Variants in ENTPD1 observed in about 807,000 individuals in gnomAD.
ENTPD1 encodes ATP diphosphohydrolase.
A neutral mutation model predicts 57.0 loss-of-function variants in ENTPD1; 33 were observed. The ratio of observed to expected loss-of-function variants is 0.58; its 90% CI spans 0.44 to 0.77. ENTPD1 has a LOEUF of 0.77. ENTPD1 is among the 30% of genes least tolerant of loss of function. The probability of loss-of-function intolerance (pLI) is 0.00; values close to 1 mark genes in which losing one functional copy is unlikely to be tolerated. For synonymous variants in ENTPD1, 202 were observed against 218.8 expected (o/e 0.92, Z 0.68); for missense variants, 501 against 603.4 (o/e 0.83, Z 1.78).
chr10:95,710,418 T>A (rs561021404), upstream of ENTPD1, among the ~76,000 whole-genome samples: 3 of 152,232 alleles, frequency 2.0e-5, no homozygotes, highest in South Asian at 2.1e-4. Context: ...AAATTTTTTT[T>A]AATGATACTC....
intron 1 of ENTPD1, among the ~76,000 whole-genome samples, chr10:95,777,061 C>T (rs1004337386): frequency 1.3e-5 from 2 of 152,150 alleles, no homozygotes; most frequent in African/African-American, 2.4e-5. Flanking sequence ...AGCTTCCTTG[C>T]GATGGGTTCG....
chr10:95,873,723 G>C lies in ENTPD1; in HGVS notation c.*7340G>C, dbSNP rs962494417. ...GATTGTATTAGTTCGTTTCCATGCT[G>C]CTGATAAAGACATATCTGAGACTGG... On this transcript the variant is annotated 3_prime_UTR_variant, in exon 10 of 10. Coordinates refer to ENST00000371205, the MANE Select transcript of ENTPD1 (RefSeq NM_001776.6). The C allele has an allele frequency of 7.2e-6, 7 of 978,480 alleles. No homozygotes were observed. In the African/African-American group the frequency reaches 1.2e-4, roughly 17 times the overall value. 60.6% of individuals were successfully genotyped at this position (978,480 alleles called of 1,614,324 possible). A position where few individuals can be genotyped will look rare whatever the true frequency, so the allele number is the denominator to read the frequency against.
rs1003421950 is a variant in ENTPD1 at position 95,842,249 on chromosome 10, A to AT, written c.263-88dup. On this transcript the variant is annotated intron_variant, in intron 3 of 9. Coordinates refer to ENST00000371205, the MANE Select transcript of ENTPD1 (RefSeq NM_001776.6). ...GTACATCAGGAAATTGTTTTCTTGTATTTTTTTCAAAACACCATATTTTGA... is the reference window on the plus strand; with the variant it reads ...GTACATCAGGAAATTGTTTTCTTGTATTTTTTTTCAAAACACCATATTTTGA... 3.2e-5 allele frequency: 38 copies of AT among 1,180,558 alleles called. No individual in the cohort carries two copies. The African/African-American group carries it at 5.1e-4, about 16-fold the overall frequency. 73.1% of individuals were successfully genotyped at this position (1,180,558 alleles called of 1,614,324 possible).
chr10:95,753,106 C>A (rs959954283), upstream of ENTPD1: 1 of 152,076 alleles, frequency 6.6e-6, no homozygotes, highest in East Asian at 1.9e-4. Flanking sequence ...AGACAAATAT[C>A]TTTACCCCTT....
At chr10:95,824,896 A>G (rs2140579480) in intron 2 of ENTPD1, among the ~76,000 whole-genome samples, 1 of 152,350 alleles carries the variant, frequency 6.6e-6, no homozygotes, top group African/African-American at 2.4e-5. Context: ...TTGGCATCTG[A>G]AGTGAATCTT....
chr10:95,722,018 T>G (rs922827972), intron 1 of ENTPD1, among the ~76,000 whole-genome samples: 11 of 152,190 alleles, frequency 7.2e-5, no homozygotes, highest in African/African-American at 2.4e-4. Flanking sequence ...TCAAGATACA[T>G]TCCAATAAAT....
intron 1 of ENTPD1, among the ~76,000 whole-genome samples, chr10:95,801,467 A>G (rs753061421): frequency 1.3e-5 from 2 of 152,104 alleles, no homozygotes; most frequent in Non-Finnish European, 2.9e-5. Flanking sequence ...TCCTTTCCCC[A>G]TTGTTTGTTT....
Position 95,871,861 on chromosome 10 carries a change from A to T in ENTPD1, c.*5478A>T. On this transcript the variant is annotated 3_prime_UTR_variant, in exon 10 of 10. Transcript: ENST00000371205. The stretch of plus-strand genomic sequence containing the variant: ...AGTAAGATACTCTCATCTAAGAAAT[A>T]ACATCACCTCTTCTAATGAAGTTCT... 2 of 985,436 alleles carry T rather than the reference A, an allele frequency of 2.0e-6. No homozygotes were observed. The highest frequency in any genetic ancestry group is 2.4e-6 in the Non-Finnish European group (2 of 829,912). 61.0% of individuals were successfully genotyped at this position (985,436 alleles called of 1,614,324 possible).
At chr10:95,851,761 A>C (rs2098445664) in intron 7 of ENTPD1, among the ~76,000 whole-genome samples, 1 of 152,132 alleles carries the variant, frequency 6.6e-6, no homozygotes, top group East Asian at 1.9e-4. Flanking sequence ...ACATGAACTC[A>C]TCATTTTTTA....
chr10:95,864,986 A>T, intron 9 of ENTPD1, 125 bp downstream of exon 9: 1 of 1,161,730 alleles, frequency 8.6e-7, no homozygotes, highest in East Asian at 2.5e-5. Flanking sequence ...CTGTTCTGCC[A>T]TTCTGCTTCA....
At position 95,866,447 on chromosome 10, in the gene ENTPD1, C is replaced by T. The variant is rs2098474648; in HGVS notation, c.*64C>T. On this transcript the variant is annotated 3_prime_UTR_variant, in exon 10 of 10. Coordinates refer to ENST00000371205, the MANE Select transcript of ENTPD1 (RefSeq NM_001776.6). ...AAATCGTCCAGGGAGCATTTTCCTC[C>T]ATCGCAGTGTTCAAGGCCATCCTTC... The T allele has an allele frequency of 2.5e-6, 4 of 1,597,590 alleles. No homozygotes were observed. The East Asian group carries it at 9.0e-5, about 36-fold the overall frequency.
chr10:95,842,272 T>C (rs1031333468), intron 3 of ENTPD1, 72 bp from the exon 4 acceptor site: 2 of 1,373,778 alleles, frequency 1.5e-6, no homozygotes, highest in African/African-American at 2.9e-5. Flanking sequence ...CACCATATTT[T>C]GATCTACTAT....
intron 1 of ENTPD1, among the ~76,000 whole-genome samples, chr10:95,724,151 G>T (rs1260401763): frequency 3.2e-5 from 3 of 94,238 alleles, no homozygotes; most frequent in African/African-American, 4.3e-5. Context: ...GACAGAGCAA[G>T]ACTCTGTCTC....
chr10:95,867,275 G>C lies in ENTPD1; in HGVS notation c.*892G>C, dbSNP rs1391034663. On this transcript the variant is annotated 3_prime_UTR_variant, in exon 10 of 10. Coordinates refer to ENST00000371205, the MANE Select transcript of ENTPD1 (RefSeq NM_001776.6). ...ATTCATATTAAATACGTACAAATCA[G>C]TGACATTTAGTACATTCACAGTGTT... 5.1e-6 allele frequency: 5 copies of C among 973,968 alleles called. 1 individual carries two copies. Among genetic ancestry groups the C allele is most frequent in the Non-Finnish European group, 6.1e-6 (5 of 819,812 alleles). The allele number at this position is 973,968 out of a possible 1,614,324, so 60.3% of individuals were successfully genotyped here. A position where few individuals can be genotyped will look rare whatever the true frequency, so the allele number is the denominator to read the frequency against.
intron 1 of ENTPD1, among the ~76,000 whole-genome samples, chr10:95,783,039 GT>G (rs1306065255): frequency 2.0e-5 from 3 of 152,260 alleles, no homozygotes; most frequent in Admixed American, 2.0e-4. Flanking sequence ...GTGTGTTTGT[GT>G]GTGTGTGTGT....
Position 95,837,680 on chromosome 10 carries a change from A to T in ENTPD1, c.145-2011A>T, listed in dbSNP as rs78131989. On this transcript the variant is annotated intron_variant, in intron 2 of 9. Transcript: ENST00000371205. ...CACGGTGGTACTCCCTGGTCTAGTG[A>T]AATGGAGTAGAGTTTGACACTCAAT... Among the ~76,000 whole-genome samples the T allele has an allele frequency of 2.0e-3, 302 of 152,206 alleles. 12 individuals carry two copies. The East Asian group carries it at 0.053, about 27-fold the overall frequency.
chr10:95,866,500 G>A lies in ENTPD1; in HGVS notation c.*117G>A. On this transcript the variant is annotated 3_prime_UTR_variant, in exon 10 of 10. Transcript: ENST00000371205. ...TGTCTGCCAGGGCCAGTCTTGACGAGTGTGAAGCTTCCTTGGCTTTTACTG... is the reference window on the plus strand; with the variant it reads ...TGTCTGCCAGGGCCAGTCTTGACGAATGTGAAGCTTCCTTGGCTTTTACTG... 1 of 1,545,020 alleles carries A rather than the reference G, an allele frequency of 6.5e-7. No homozygotes were observed. The highest frequency in any genetic ancestry group is 8.7e-7 in the Non-Finnish European group (1 of 1,146,534).
intron 1 of ENTPD1, among the ~76,000 whole-genome samples, chr10:95,804,936 T>C (rs2098265837): frequency 2.0e-5 from 3 of 152,190 alleles, no homozygotes; most frequent in Admixed American, 2.0e-4. Context: ...ATTGAGATAA[T>C]CGTGTGGTTT....
At chr10:95,860,709 C>A in intron 8 of ENTPD1, 127 bp downstream of exon 8, 1 of 760,140 alleles carries the variant, frequency 1.3e-6, no homozygotes, top group Non-Finnish European at 2.3e-6. Context: ...TTAGAGAAGA[C>A]CAGATGGTGG....
Sources: gnomAD v4.1 joint callset for allele counts (sites outside exome capture counted in the v4.1 genomes callset) on GRCh38, gnomAD v4.1.1 for gene constraint, MANE v1.5 for transcripts, NCBI Gene and HGNC (gene_info 2026-07-23, HGNC 2026-07-21) for gene names.